Variants in RUNX1 observed in about 807,000 individuals in gnomAD.
RUNX1 encodes RUNX family transcription factor 1.
Under a neutral mutation model 42.8 loss-of-function variants are expected in RUNX1, and 19 were observed. The ratio of observed to expected loss-of-function variants is 0.44; its 90% confidence interval spans 0.31 to 0.65. The LOEUF is 0.65. RUNX1 is among the 30% of genes least tolerant of loss of function. The probability of loss-of-function intolerance (pLI) is 0.07; values close to 1 mark genes in which losing one functional copy is unlikely to be tolerated. For synonymous variants in RUNX1, 271 were observed against 289.4 expected (o/e 0.94, Z 0.64); for missense variants, 528 against 672.0 (o/e 0.79, Z 2.37).
intron 2 of RUNX1, among the ~76,000 whole-genome samples, chr21:34,906,549 A>C (rs922394556): frequency 7.9e-5 from 12 of 152,338 alleles, no homozygotes; most frequent in African/African-American, 2.4e-4. Flanking sequence ...CTAAGGCTTA[A>C]AGAAGTTAGA....
chr21:34,987,001 C>T (rs2058892622), intron 2 of RUNX1, among the ~76,000 whole-genome samples: 1 of 152,218 alleles, frequency 6.6e-6, no homozygotes, highest in Non-Finnish European at 1.5e-5. Flanking sequence ...ACATGATTGA[C>T]AGGCCAGGGA....
chr21:34,902,530 G>A (rs1047174392), intron 2 of RUNX1, among the ~76,000 whole-genome samples: 6 of 152,140 alleles, frequency 3.9e-5, no homozygotes, highest in Non-Finnish European at 5.9e-5. Context: ...GTATACATGA[G>A]ATTCACACAC....
chr21:34,964,629 G>A (rs1260167434), intron 2 of RUNX1, among the ~76,000 whole-genome samples: 5 of 152,208 alleles, frequency 3.3e-5, no homozygotes, highest in Non-Finnish European at 2.9e-5. Flanking sequence ...ACAAAGTTGA[G>A]GGAGGCAGAG....
chr21:34,871,893 G>A (rs1228574423), intron 5 of RUNX1, among the ~76,000 whole-genome samples: 1 of 151,366 alleles, frequency 6.6e-6, no homozygotes, highest in Non-Finnish European at 1.5e-5. Flanking sequence ...ACCCAGGCTG[G>A]AGCGCAGTGG....
intron 5 of RUNX1, among the ~76,000 whole-genome samples, chr21:34,878,386 CAT>C (rs1227449906): frequency 3.0e-4 from 44 of 148,348 alleles, no homozygotes; most frequent in African/African-American, 8.7e-4. Flanking sequence ...TACACACACA[CAT>C]ATATATATAC....
At chr21:34,995,912 AT>A (rs1165786204) in intron 2 of RUNX1, among the ~76,000 whole-genome samples, 17 of 152,030 alleles carry the variant, frequency 1.1e-4, no homozygotes, top group African/African-American at 3.4e-4. Flanking sequence ...GTGTGTGTAT[AT>A]GTACGTGTTT....
chr21:34,792,318 G>T lies in RUNX1; in HGVS notation c.1260C>A (p.Gly420=), dbSNP rs2145874515. ...GGATGCGCGGCGGCGAGCGCTCGCC[G>T]CCCACCATGGAGAACTGGTAGGAGC... ...SAGSYQFSMV[G]GERSPPRILP... Residue 420 remains glycine (G), a synonymous_variant, in exon 9 of 9, where the codon GGC becomes GGA. Coordinates refer to ENST00000675419, the MANE Select transcript of RUNX1 (RefSeq NM_001754.5). This position sits in a 1 kb window ranked among gnomAD's most constrained non-coding sequence, Gnocchi z 6.9. 1 of 1,470,128 alleles carries T rather than the reference G, an allele frequency of 6.8e-7. No individual in the cohort carries two copies. The highest frequency in any genetic ancestry group is 9.1e-7 in the Non-Finnish European group (1 of 1,099,470). 91.1% of individuals were successfully genotyped at this position (1,470,128 alleles called of 1,614,324 possible).
intron 2 of RUNX1, among the ~76,000 whole-genome samples, chr21:34,943,667 C>G (rs1222899083): frequency 6.6e-6 from 1 of 152,134 alleles, no homozygotes; most frequent in Non-Finnish European, 1.5e-5. Flanking sequence ...TTTTCACCCC[C>G]TAAAGAGACT....
In RUNX1 at chr21:34,901,867, C is replaced by T. The variant is rs1158303400; in HGVS notation, c.59-8904G>A. Among the ~76,000 whole-genome samples the T allele has an allele frequency of 3.3e-5, 5 of 152,126 alleles. No homozygotes were observed. Among genetic ancestry groups the T allele is most frequent in the Non-Finnish European group, 7.3e-5 (5 of 68,030 alleles). On this transcript the variant is annotated intron_variant, in intron 2 of 8. Coordinates refer to ENST00000675419, the MANE Select transcript of RUNX1 (RefSeq NM_001754.5). The surrounding 1 kb of genome is among the most constrained non-coding windows in gnomAD (Gnocchi z 4.3). ...CCATGGCTTTCAGTTCCCTAATTGG[C>T]GAATGTCACACTAGTAAGATTTTCT...
At chr21:34,795,284 C>T (rs888220539) in intron 8 of RUNX1, among the ~76,000 whole-genome samples, 1 of 152,174 alleles carries the variant, frequency 6.6e-6, no homozygotes, top group Non-Finnish European at 1.5e-5. Context: ...TGATCAACTT[C>T]CTCATATTTC....
Position 34,888,656 on chromosome 21 carries a change from G to A in RUNX1, c.98-1560C>T, listed in dbSNP as rs192533631. 11,681 of 1,049,608 alleles carry A rather than the reference G, an allele frequency of 0.011. 95 individuals are homozygous for A. Among genetic ancestry groups the A allele is most frequent in the South Asian group, 0.052 (1,145 of 21,848 alleles). The allele number at this position is 1,049,608 out of a possible 1,614,324, so 65.0% of individuals were successfully genotyped here. The stretch of plus-strand genomic sequence containing the variant: ...GGTGCCCTGGCTGGGTCCGGCCGCG[G>A]GGCGCCCGTCCCGCCCGCGCCCGCT... On this transcript the variant is annotated intron_variant, in intron 3 of 8. Coordinates refer to ENST00000675419, the MANE Select transcript of RUNX1 (RefSeq NM_001754.5).
intron 6 of RUNX1, among the ~76,000 whole-genome samples, chr21:34,848,333 G>A (rs1185308424): frequency 1.3e-5 from 2 of 152,190 alleles, no homozygotes; most frequent in African/African-American, 4.8e-5. Context: ...TAGCAAGAGA[G>A]GTATCATGCA....
intron 6 of RUNX1, among the ~76,000 whole-genome samples, chr21:34,835,611 A>G (rs2057134830): frequency 6.6e-6 from 1 of 152,316 alleles, no homozygotes; most frequent in East Asian, 1.9e-4. Context: ...TGAGGCTCCA[A>G]GGTAGGGAGG....
intron 2 of RUNX1, among the ~76,000 whole-genome samples, chr21:34,950,392 G>A (rs1480384978): frequency 6.6e-6 from 1 of 152,154 alleles, no homozygotes; most frequent in Non-Finnish European, 1.5e-5. Flanking sequence ...TGAACAAAAA[G>A]AGCCTATAAG....
intron 6 of RUNX1, among the ~76,000 whole-genome samples, chr21:34,849,332 CTATATATAT>C (rs1416764636): frequency 4.1e-4 from 10 of 24,670 alleles, no homozygotes; most frequent in East Asian, 1.7e-3. Context: ...ATTATATATA[CTATATATAT>C]TATATATAGT....
At chr21:34,969,938 A>G (rs2058750507) in intron 2 of RUNX1, among the ~76,000 whole-genome samples, 2 of 152,226 alleles carry the variant, frequency 1.3e-5, no homozygotes, top group African/African-American at 4.8e-5. Context: ...GGTATGGATC[A>G]TATCTGTTCT....
intron 2 of RUNX1, among the ~76,000 whole-genome samples, chr21:35,014,869 C>G (rs964361407): frequency 6.6e-6 from 1 of 152,264 alleles, no homozygotes; most frequent in Non-Finnish European, 1.5e-5. Flanking sequence ...CTTCTCTGTT[C>G]GTCTCCCTTG....
At chr21:34,837,817 A>G (rs1259431501) in intron 6 of RUNX1, among the ~76,000 whole-genome samples, 3 of 152,202 alleles carry the variant, frequency 2.0e-5, no homozygotes, top group African/African-American at 7.2e-5. Context: ...GCGGTGCTTT[A>G]AAGTAGTGGG....
At chr21:34,967,603 T>G (rs1449695141) in intron 2 of RUNX1, among the ~76,000 whole-genome samples, 6 of 152,104 alleles carry the variant, frequency 3.9e-5, no homozygotes, top group Non-Finnish European at 8.8e-5. Context: ...AAAAGGATTC[T>G]CCAGCCCCAT....
Sources: gnomAD v4.1 joint callset for allele counts (sites outside exome capture counted in the v4.1 genomes callset) on GRCh38, gnomAD v4.1.1 for gene constraint, Gnocchi (gnomAD v3.1) non-coding constraint, MANE v1.5 for transcripts, NCBI Gene and HGNC (gene_info 2026-07-23, HGNC 2026-07-21) for gene names.